Variants in ADCY4 observed in about 807,000 individuals in gnomAD.
The protein encoded by ADCY4 is adenylate cyclase 4.
In ADCY4, 111 loss-of-function variants were observed where a neutral mutation model predicts 125.5. The observed-to-expected ratio is 0.88, with a 90% CI of 0.76 to 1.04. The LOEUF (loss-of-function observed/expected upper bound fraction) is 1.04, where lower values mean the gene tolerates loss of function less well. ADCY4 is among the 50% of genes least tolerant of loss of function. The pLI is 0.00. For missense variants in ADCY4, 1,256 were observed against 1,382.9 expected, an observed-to-expected ratio of 0.91 and a Z score of 1.46; for synonymous variants, 576 against 586.9, an observed-to-expected ratio of 0.98 and a Z score of 0.27.
In ADCY4 at chr14:24,331,778, C is replaced by G; in HGVS notation, c.669+10G>C. The G allele has an allele frequency of 6.4e-7, 1 of 1,568,456 alleles. No individual in the cohort carries two copies. The highest frequency in any genetic ancestry group is 1.4e-5 in the African/African-American group (1 of 73,616). On this transcript the variant is annotated intron_variant, in intron 4 of 24. Coordinates refer to ENST00000418030, the MANE Select transcript of ADCY4 (RefSeq NM_001198568.2). ...GGAGCGCTGCTCTGACCTTCCTAGG[C>G]CCGGCTGACCTGGTGCTTCTTCTCG...
At chr14:24,333,215 TGTTG>T (rs957607448) in intron 1 of ADCY4, among the ~76,000 whole-genome samples, 2 of 152,114 alleles carry the variant, frequency 1.3e-5, no homozygotes, top group African/African-American at 4.8e-5. Flanking sequence ...GTATGGTTTT[TGTTG>T]GTTGGTTGGT....
chr14:24,320,202 G>A (rs73591427), intron 20 of ADCY4, among the ~76,000 whole-genome samples: 3,255 of 152,256 alleles, frequency 0.021, 124 homozygotes, highest in African/African-American at 0.075. Flanking sequence ...ATTGCTGAAA[G>A]GTGTTTAAGT....
chr14:24,325,486 A>C lies in ADCY4; in HGVS notation c.1726-12T>G, dbSNP rs368684170. The C allele has an allele frequency of 1.6e-5, 25 of 1,607,230 alleles. No homozygotes were observed. Among genetic ancestry groups the C allele is most frequent in the Non-Finnish European group, 2.0e-5 (23 of 1,174,314 alleles). On this transcript the variant is annotated splice_polypyrimidine_tract_variant and intron_variant, in intron 13 of 24. Transcript: ENST00000418030. ...GCAGAGAGTCGGTACTGAAAGTGAG[A>C]GGGCCAGAGGTGGAGACAGGGTCCA... is the stretch of plus-strand genomic sequence containing the variant.
rs766342941 is a variant in ADCY4, at chr14:24,329,181, C to T, written c.1404G>A (p.Glu468=). ...GTAGGLLSSL[E]GLKMRPSLLM... is the part of the protein sequence containing the mutation. The stretch of plus-strand genomic sequence containing the variant: ...GCAGTGATGGACGCATCTTGAGGCC[C>T]TCAAGCGAGGACAGCAAGCCTCCTG... Residue 468 remains glutamate (E), a synonymous_variant, in exon 10 of 25, where the codon GAG becomes GAA. Coordinates refer to ENST00000418030, the MANE Select transcript of ADCY4 (RefSeq NM_001198568.2). 51 of 1,613,842 alleles carry T rather than the reference C, an allele frequency of 3.2e-5. No individual in the cohort carries two copies. The highest frequency in any genetic ancestry group is 5.0e-5 in the Admixed American group (3 of 59,982).
Position 24,334,821 on chromosome 14 carries a change from T to C in ADCY4, c.-169A>G. 1.7e-6 allele frequency: 1 copy of C among 592,320 alleles called. No individual in the cohort carries two copies. Among genetic ancestry groups the C allele is most frequent in the South Asian group, 2.1e-5 (1 of 47,710 alleles). 36.7% of individuals were successfully genotyped at this position (592,320 alleles called of 1,614,324 possible). A position where few individuals can be genotyped will look rare whatever the true frequency, so the allele number is the denominator to read the frequency against. Reference sequence around the variant, plus strand: ...CCTTTTTCAGGCCCTCCCTGCGGCCTCCCAGCCCGCTCCCAGCTGGCGATG... The same window carrying C: ...CCTTTTTCAGGCCCTCCCTGCGGCCCCCCAGCCCGCTCCCAGCTGGCGATG... On this transcript the variant is annotated 5_prime_UTR_variant, in exon 1 of 25. Transcript: ENST00000418030.
rs765430592 is a variant in ADCY4 at position 24,322,208 on chromosome 14, C to T, written c.2444G>A (p.Arg815His). ...VLARQNEYYC[R>H]LDFLWKKKLR... ...CTTCTTCTTCCACAGGAAGTCCAGG[C>T]GGCAGTAGTACTCATTCTGGGGAGG... The change falls in exon 20 of 25, where the codon CGC (arginine) becomes CAC (histidine). Residue 815 changes from arginine (R) to histidine (H), a missense_variant. Transcript: ENST00000418030. 29 of 1,613,460 alleles carry T rather than the reference C, an allele frequency of 1.8e-5. No homozygotes were observed. The highest frequency in any genetic ancestry group is 8.0e-5 in the African/African-American group (6 of 74,902).
At chr14:24,323,937 G>T (rs2041898312) in intron 16 of ADCY4, 125 bp downstream of exon 16, 2 of 1,360,162 alleles carry the variant, frequency 1.5e-6, no homozygotes, top group African/African-American at 1.5e-5. Context: ...CTTTCTATTT[G>T]TACAACATTT....
rs1037463081 is a variant in ADCY4 at position 24,329,608 on chromosome 14, G to T, written c.1218-75C>A. ...CTATTTCCTGCCCCATCACCCCCAT[G>T]GCTCCTAGAACTGACAAACATCTCA... On this transcript the variant is annotated intron_variant, in intron 8 of 24. Coordinates refer to ENST00000418030, the MANE Select transcript of ADCY4 (RefSeq NM_001198568.2). 1.0e-5 allele frequency: 15 copies of T among 1,490,166 alleles called. No homozygotes were observed. In the Admixed American group the frequency reaches 3.4e-4, roughly 34 times the overall value. 92.3% of individuals were successfully genotyped at this position (1,490,166 alleles called of 1,614,324 possible). A position where few individuals can be genotyped will look rare whatever the true frequency, so the allele number is the denominator to read the frequency against.
Position 24,322,656 on chromosome 14 carries a change from A to G in ADCY4, c.2395T>C (p.Phe799Leu). 1 of 1,614,184 alleles carries G rather than the reference A, an allele frequency of 6.2e-7. No homozygotes were observed. Among genetic ancestry groups the G allele is most frequent in the Non-Finnish European group, 8.5e-7 (1 of 1,180,026 alleles). The part of the protein sequence containing the change: ...KLMGAISFFI[F>L]FFTLLVLARQ... ...GCCAGGACAAGGAGGGTGAAGAAGAAGATGAAGAAGGAGATAGCACCCATC... is the reference window on the plus strand; with the variant it reads ...GCCAGGACAAGGAGGGTGAAGAAGAGGATGAAGAAGGAGATAGCACCCATC... The change falls in exon 19 of 25, where the codon TTC becomes CTC. Residue 799 changes from phenylalanine to leucine, a missense_variant. Physicochemically the swap from Phe to Leu is conservative, Grantham distance 22. Transcript: ENST00000418030.
rs1468539412 is a variant in ADCY4 at position 24,324,252 on chromosome 14, G to T, written c.1909-53C>A. 11 of 1,614,024 alleles carry T rather than the reference G, an allele frequency of 6.8e-6. No individual in the cohort carries two copies. In the East Asian group the frequency reaches 2.2e-4, roughly 33 times the overall value. On this transcript the variant is annotated intron_variant, in intron 15 of 24. Transcript: ENST00000418030. ...CACGGGGCTGGGGCACCCTCTTCAG[G>T]ACAGGTTGTGACCAGGGCTCCGGCA...
chr14:24,321,754 T>A, intron 20 of ADCY4: 1 of 1,054,794 alleles, frequency 9.5e-7, no homozygotes, highest in South Asian at 4.1e-5. Context: ...GGTCATGGAC[T>A]AGTATCAGTC....
At chr14:24,323,170 C>A in intron 17 of ADCY4, 82 bp from the exon 18 acceptor site, 1 of 1,508,056 alleles carries the variant, frequency 6.6e-7, no homozygotes, top group Non-Finnish European at 9.0e-7. Context: ...CCTGTCCCTC[C>A]CAGGCCCAGG....
rs752376679 is a variant in ADCY4 at position 24,319,291 on chromosome 14, C to G, written c.2841+38G>C. The G allele has an allele frequency of 6.2e-7, 1 of 1,612,448 alleles. No homozygotes were observed. The highest frequency in any genetic ancestry group is 1.3e-5 in the African/African-American group (1 of 74,846). On this transcript the variant is annotated intron_variant, in intron 22 of 24. Transcript: ENST00000418030. This position sits in a 1 kb window ranked among gnomAD's most constrained non-coding sequence, Gnocchi z 4.5. ...CCACTAATAAGCCCATCAATGAGAG[C>G]CCAGAGGAGGATGGTAGGTAAGGAA...
Position 24,318,543 on chromosome 14 carries a change from AG to A in ADCY4, c.3106del (p.Leu1036TyrfsTer16). The A allele has an allele frequency of 6.2e-7, 1 of 1,614,094 alleles. No individual in the cohort carries two copies. Among genetic ancestry groups the A allele is most frequent in the Non-Finnish European group, 8.5e-7 (1 of 1,179,998 alleles). On this transcript the variant is annotated frameshift_variant, in exon 25 of 25. Coordinates refer to ENST00000418030, the MANE Select transcript of ADCY4 (RefSeq NM_001198568.2). LOFTEE classifies it high-confidence loss of function. ...GTAGCAGGTGTAGCCCAGGGACTGT[AG>A]GGCCCATGCTGTCTCCTCAGTCACC... Reference protein sequence around the residue: ...IQVTEETAWALQSLGYTCYSR... With the variant: ...IQVTEETAWAXQSLGYTCYSR...
rs143776833 is a variant in ADCY4 at position 24,319,201 on chromosome 14, C to A, written c.2853G>T (p.Arg951=). 42 of 1,614,002 alleles carry A rather than the reference C, an allele frequency of 2.6e-5. No individual in the cohort carries two copies. In the African/African-American group the frequency reaches 4.5e-4, roughly 17 times the overall value. Residue 951 remains arginine (R), a synonymous_variant, in exon 23 of 25, where the codon CGG becomes CGT. Coordinates refer to ENST00000418030, the MANE Select transcript of ADCY4 (RefSeq NM_001198568.2). The surrounding 1 kb of genome is among the most constrained non-coding windows in gnomAD (Gnocchi z 4.5). ...SGQDAQQDAE[R]SCSHLGTMVE... is the part of the protein sequence containing the mutation. The stretch of plus-strand genomic sequence containing the variant: ...CCATAGTGCCAAGGTGGCTGCAGCT[C>A]CGTTCAGCATCCTGGCAATGGGCCC...
rs549803327 is a variant in ADCY4 at position 24,331,106 on chromosome 14, C to A, written c.842G>T (p.Gly281Val). 6.2e-7 allele frequency: 1 copy of A among 1,613,396 alleles called. No individual in the cohort carries two copies. Among genetic ancestry groups the A allele is most frequent in the East Asian group, 2.2e-5 (1 of 44,842 alleles). Residue 281 changes from glycine to valine, a missense_variant, in exon 6 of 25, where the codon GGC becomes GTC. Physicochemically the swap from Gly to Val is moderately radical, Grantham distance 109. Coordinates refer to ENST00000418030, the MANE Select transcript of ADCY4 (RefSeq NM_001198568.2). ...ACACTCGCTGGCCAGCCGCGTGAAG[C>A]CCACGATGTCAGCATACAGCACGCT... ...GVSVLYADIV[G>V]FTRLASECSP...
chr14:24,322,402 T>C lies in ADCY4; in HGVS notation c.2428-178A>G, dbSNP rs2041866117. The C allele has an allele frequency of 8.0e-6, 7 of 869,666 alleles. No individual in the cohort carries two copies. In the South Asian group the frequency reaches 9.0e-5, roughly 11 times the overall value. The allele number at this position is 869,666 out of a possible 1,614,324, so 53.9% of individuals were successfully genotyped here. A position where few individuals can be genotyped will look rare whatever the true frequency, so the allele number is the denominator to read the frequency against. ...ACTATCCTTGAAATTAGATTCAGAC[T>C]AGGGATAGAGAATTGGCAGCAGACT... On this transcript the variant is annotated intron_variant, in intron 19 of 24. Coordinates refer to ENST00000418030, the MANE Select transcript of ADCY4 (RefSeq NM_001198568.2).
In ADCY4 at chr14:24,324,331, A is replaced by G; in HGVS notation, c.1884T>C (p.Phe628=). 2 of 1,614,178 alleles carry G rather than the reference A, an allele frequency of 1.2e-6. No homozygotes were observed. The highest frequency in any genetic ancestry group is 1.7e-6 in the Non-Finnish European group (2 of 1,179,988). ...ITFLLFLLIL[F]VCFSEDLMRC... ...CCATCAGGTCCTCTGAGAAGCAGAC[A>G]AAAAGGATGAGGAGGAAGAGGAGGA... The change falls in exon 15 of 25, where the codon TTT becomes TTC. Residue 628 remains phenylalanine, a synonymous_variant. Transcript: ENST00000418030.
rs1253034507 is a variant in ADCY4, at chr14:24,319,428, G to A, written c.2742C>T (p.Ser914=). 16 of 1,614,188 alleles carry A rather than the reference G, an allele frequency of 9.9e-6. No homozygotes were observed. The highest frequency in any genetic ancestry group is 2.7e-5 in the African/African-American group (2 of 75,052). ...TCTCCACCCCACTGAACTTGGGCTT[G>A]GAGAGCAGCTGTATATAGAGAAGAG... ...EIIADFDELL[S]KPKFSGVEKI... is the part of the protein sequence containing the mutation. The change falls in exon 22 of 25, where the codon TCC becomes TCT. Residue 914 remains serine, a synonymous_variant. Transcript: ENST00000418030. The surrounding 1 kb of genome is among the most constrained non-coding windows in gnomAD (Gnocchi z 4.5).
Sources: gnomAD v4.1 joint callset for allele counts (sites outside exome capture counted in the v4.1 genomes callset) on GRCh38, gnomAD v4.1.1 for gene constraint, Gnocchi (gnomAD v3.1) non-coding constraint, MANE v1.5 for transcripts, NCBI Gene and HGNC (gene_info 2026-07-23, HGNC 2026-07-21) for gene names.